Variants in CENPN observed in about 807,000 individuals in gnomAD.
The protein encoded by CENPN is interphase centromere complex protein 32.
A neutral mutation model predicts 48.6 loss-of-function variants in CENPN; 36 were observed. The observed-to-expected ratio is 0.74, with a 90% CI of 0.57 to 0.98. The LOEUF (loss-of-function observed/expected upper bound fraction) is 0.98. CENPN is among the 50% of genes least tolerant of loss of function. The pLI is 0.00. For synonymous variants in CENPN, 166 were observed against 135.2 expected (o/e 1.23, Z -1.58); for missense variants, 439 against 399.2 (o/e 1.10, Z -0.85).
Position 81,017,314 on chromosome 16 carries a change from TC to T in CENPN, c.218-9del, listed in dbSNP as rs1251633128. 6.3e-7 allele frequency: 1 copy of T among 1,575,516 alleles called. No homozygotes were observed. The highest frequency in any genetic ancestry group is 8.7e-7 in the Non-Finnish European group (1 of 1,145,892). On this transcript the variant is annotated splice_polypyrimidine_tract_variant and intron_variant, in intron 3 of 10. Coordinates refer to ENST00000305850, the MANE Select transcript of CENPN (RefSeq NM_001100624.3). ...TGATATGCTAGTAATAAAGCTTTCT[TC>T]CCTCTCTCAGATATGCAATTTCATC...
chr16:81,017,173 C>A (rs1392739582), intron 3 of CENPN, 153 bp from the exon 4 acceptor site: 9 of 555,684 alleles, frequency 1.6e-5, no homozygotes, highest in Non-Finnish European at 2.8e-5. Context: ...GTACTTTAAT[C>A]CATATAAAGT....
At chr16:81,007,495 T>C (rs1969477066) in intron 1 of CENPN, 1 of 151,988 alleles carries the variant, frequency 6.6e-6, no homozygotes, top group Non-Finnish European at 1.5e-5. Context: ...TCGCCCGCGG[T>C]GGGGCGGGTG....
chr16:81,031,708 G>A (rs1051425939), downstream of CENPN, among the ~76,000 whole-genome samples: 3 of 152,110 alleles, frequency 2.0e-5, no homozygotes, highest in Non-Finnish European at 2.9e-5. Context: ...TTTATCCAAC[G>A]TCCTTGGTTG....
rs910176756 is a variant in CENPN, at chr16:81,031,091, T to A, written c.*2440T>A. 1 of 151,700 alleles carries A rather than the reference T, an allele frequency of 6.6e-6. No individual in the cohort carries two copies. The highest frequency in any genetic ancestry group is 1.5e-5 in the Non-Finnish European group (1 of 67,904). The allele number at this position is 151,700 out of a possible 1,614,324, so 9.4% of individuals were successfully genotyped here. On this transcript the variant is annotated 3_prime_UTR_variant, in exon 11 of 11. Coordinates refer to ENST00000305850, the MANE Select transcript of CENPN (RefSeq NM_001100624.3). ...AATAAAATAAATGACATCACTTTGG[T>A]TCAGAGCTCTAAAATGGAGGGAGGA...
chr16:81,026,252 C>A (rs1208315410), intron 8 of CENPN, among the ~76,000 whole-genome samples: 2 of 149,734 alleles, frequency 1.3e-5, no homozygotes, highest in Non-Finnish European at 3.0e-5. Context: ...TTTTTATTCA[C>A]TGTAAAAAGA....
chr16:81,011,892 G>C (rs759412944), intron 1 of CENPN, 38 bp from the exon 2 acceptor site: 1 of 1,497,362 alleles, frequency 6.7e-7, no homozygotes, highest in South Asian at 1.1e-5. Context: ...TATTGTATTT[G>C]GTTAATACTT....
chr16:81,020,253 C>G lies in CENPN; in HGVS notation c.508C>G (p.Arg170Gly), dbSNP rs377524560. ...YAFTSSSMLR[R>G]NTPLLGQALT... ...CTTCACGTCCTCCTCCATGCTGAGG[C>G]GCAATACACCGCTTCTGGGTCAGGT... The change falls in exon 6 of 11, where the codon CGC becomes GGC. Residue 170 changes from arginine (R) to glycine (G), a missense_variant. Coordinates refer to ENST00000305850, the MANE Select transcript of CENPN (RefSeq NM_001100624.3). 1.2e-6 allele frequency: 2 copies of G among 1,609,932 alleles called. No homozygotes were observed. Among genetic ancestry groups the G allele is most frequent in the East Asian group, 4.5e-5 (2 of 44,868 alleles).
chr16:81,030,353 G>A lies in CENPN; in HGVS notation c.*1702G>A. ...TCACACTTGTAATCCCAGCACTTCA[G>A]GAGGTTTCTCCTAGTGTACTCTCAC... On this transcript the variant is annotated 3_prime_UTR_variant, in exon 11 of 11. Transcript: ENST00000305850. 1.0e-6 allele frequency: 1 copy of A among 985,076 alleles called. No homozygotes were observed. The highest frequency in any genetic ancestry group is 1.2e-6 in the Non-Finnish European group (1 of 829,810). 61.0% of individuals were successfully genotyped at this position (985,076 alleles called of 1,614,324 possible).
chr16:81,019,795 C>T (rs1970096365), intron 5 of CENPN, among the ~76,000 whole-genome samples: 1 of 151,464 alleles, frequency 6.6e-6, no homozygotes, highest in South Asian at 2.1e-4. Flanking sequence ...ATTGCTTGAG[C>T]CCAGGAAGTT....
At chr16:81,014,312 G>A (rs1240670201) in intron 3 of CENPN, 131 bp downstream of exon 3, 12 of 691,250 alleles carry the variant, frequency 1.7e-5, no homozygotes, top group Non-Finnish European at 2.3e-5. Context: ...TCAGCTCACC[G>A]CGACCTCTGC....
At chr16:81,024,664 C>G (rs370419910) in intron 7 of CENPN, 51 bp from the exon 8 acceptor site, 72 of 1,195,820 alleles carry the variant, frequency 6.0e-5, no homozygotes, top group Non-Finnish European at 8.0e-5. Flanking sequence ...AAATTAATAT[C>G]TGTACTTCAA....
Position 81,028,043 on chromosome 16 carries a change from C to T in CENPN, c.811-128C>T, listed in dbSNP as rs1052920345. On this transcript the variant is annotated intron_variant, in intron 9 of 10. Transcript: ENST00000305850. ...TGCAGTTAGCAGATTAAATGGTCCC[C>T]ACCCCTGTTAATTCCTGTATTTCTT... 7 of 831,726 alleles carry T rather than the reference C, an allele frequency of 8.4e-6. No individual in the cohort carries two copies. In the African/African-American group the frequency reaches 8.5e-5, roughly 10 times the overall value. The allele number at this position is 831,726 out of a possible 1,614,324, so 51.5% of individuals were successfully genotyped here.
In CENPN at chr16:81,031,312, G is replaced by C. The variant is rs777313214; in HGVS notation, c.*2661G>C. 1 of 152,058 alleles carries C rather than the reference G, an allele frequency of 6.6e-6. No individual in the cohort carries two copies. The highest frequency in any genetic ancestry group is 1.5e-5 in the Non-Finnish European group (1 of 68,028). 9.4% of individuals were successfully genotyped at this position (152,058 alleles called of 1,614,324 possible). ...ACCAACCAATAAACTATGGATTTTT[G>C]TACTAAGCCAGTTGCCTCTTTCAAA... On this transcript the variant is annotated 3_prime_UTR_variant, in exon 11 of 11. Coordinates refer to ENST00000305850, the MANE Select transcript of CENPN (RefSeq NM_001100624.3).
At chr16:81,009,037 T>C (rs1969632233) in intron 1 of CENPN, among the ~76,000 whole-genome samples, 1 of 152,170 alleles carries the variant, frequency 6.6e-6, no homozygotes, top group African/African-American at 2.4e-5. Flanking sequence ...TGAAACCCCA[T>C]CTTTACTAAA....
downstream of CENPN, chr16:81,032,779 A>T: frequency 1.5e-6 from 2 of 1,348,480 alleles, no homozygotes; most frequent in Non-Finnish European, 2.0e-6. Context: ...CTATAGACTA[A>T]TGCAGGCCTC....
Position 81,011,925 on chromosome 16 carries a change from A to G in CENPN, c.-10-5A>G, listed in dbSNP as rs945186598. 52 of 1,608,928 alleles carry G rather than the reference A, an allele frequency of 3.2e-5. No homozygotes were observed. Among genetic ancestry groups the G allele is most frequent in the Non-Finnish European group, 4.2e-5 (49 of 1,176,752 alleles). On this transcript the variant is annotated splice_region_variant and splice_polypyrimidine_tract_variant and intron_variant, in intron 1 of 10. Transcript: ENST00000305850. ...CTTTGTTGTGCTGTTTTTGTTTTGT[A>G]AAAGTGCCAAAGAGATGGATGAGAC...
rs368922513 is a variant in CENPN at position 81,030,152 on chromosome 16, A to G, written c.*1501A>G. 2 of 968,398 alleles carry G rather than the reference A, an allele frequency of 2.1e-6. No individual in the cohort carries two copies. The highest frequency in any genetic ancestry group is 2.3e-4 in the East Asian group (2 of 8,732). The allele number at this position is 968,398 out of a possible 1,614,324, so 60.0% of individuals were successfully genotyped here. A position where few individuals can be genotyped will look rare whatever the true frequency, so the allele number is the denominator to read the frequency against. ...CTCCACCTGGCCCTGCCCTTGTCAC[A>G]TGGGGGTTATTACAATTCAAGGTGA... On this transcript the variant is annotated 3_prime_UTR_variant, in exon 11 of 11. Coordinates refer to ENST00000305850, the MANE Select transcript of CENPN (RefSeq NM_001100624.3).
intron 1 of CENPN, among the ~76,000 whole-genome samples, chr16:81,007,918 C>A (rs1361526620): frequency 6.6e-6 from 1 of 152,060 alleles, no homozygotes; most frequent in Admixed American, 6.6e-5. Flanking sequence ...ACCAGCCTGG[C>A]CAACATGGTG....
chr16:81,016,924 A>T (rs1969955514), intron 3 of CENPN: 1 of 222,464 alleles, frequency 4.5e-6, no homozygotes, highest in Non-Finnish European at 8.8e-6. Flanking sequence ...TGAGGTGGGG[A>T]GTAGGGTGTG....
Sources: allele counts gnomAD v4.1 joint callset (sites outside exome capture counted in the v4.1 genomes callset), GRCh38; gene constraint gnomAD v4.1.1; transcripts MANE v1.5; gene names NCBI Gene and HGNC (gene_info 2026-07-23, HGNC 2026-07-21).